Variants in TSPEAR observed in about 807,000 individuals in gnomAD.
TSPEAR encodes thrombospondin-type laminin G domain and EAR repeat-containing protein.
A neutral mutation model predicts 71.6 loss-of-function variants in TSPEAR; 69 were observed. The observed-to-expected ratio is 0.96, with a 90% confidence interval of 0.79 to 1.18. The LOEUF (loss-of-function observed/expected upper bound fraction) is 1.18, where lower values mean the gene tolerates loss of function less well. Among genes scored for constraint, TSPEAR ranks in the 50% most tolerant of loss-of-function variants. The pLI is 0.00. For missense variants in TSPEAR, 971 were observed against 894.9 expected (o/e 1.09, Z -1.09); for synonymous variants, 402 against 387.2 (o/e 1.04, Z -0.45).
At chr21:44,697,562 A>G (rs371734706) in intron 1 of TSPEAR, 43 of 1,610,108 alleles carry the variant, frequency 2.7e-5, no homozygotes, top group African/African-American at 2.1e-4. Flanking sequence ...TGTGTGCTGT[A>G]TGCCCGTCTG....
At position 44,685,557 on chromosome 21, in the gene TSPEAR, G is replaced by A. The variant is rs544420920; in HGVS notation, c.82+25876C>T. Among the ~76,000 whole-genome samples the A allele has an allele frequency of 3.3e-5, 5 of 152,228 alleles. No homozygotes were observed. The East Asian group carries it at 9.8e-4, about 30-fold the overall frequency. Reference sequence around the variant, plus strand: ...CCGTCTGCAGAGGAGGTGTCCTGTGGCCATTAGTGCTACTCGTGGGAAGTG... The same window carrying A: ...CCGTCTGCAGAGGAGGTGTCCTGTGACCATTAGTGCTACTCGTGGGAAGTG... On this transcript the variant is annotated intron_variant, in intron 1 of 11. Coordinates refer to ENST00000323084, the MANE Select transcript of TSPEAR (RefSeq NM_144991.3).
At chr21:44,674,002 CA>C (rs1986181250) in intron 1 of TSPEAR, among the ~76,000 whole-genome samples, 1 of 151,360 alleles carries the variant, frequency 6.6e-6, no homozygotes, top group Non-Finnish European at 1.5e-5. Context: ...ATGCCTACAT[CA>C]AAAAGGTAGA....
chr21:44,627,051 AGG>A, intron 1 of TSPEAR: 2 of 1,450,756 alleles, frequency 1.4e-6, no homozygotes, highest in South Asian at 2.7e-5. Flanking sequence ...TGGAACAACA[AGG>A]CCAGGAGGGG....
intron 1 of TSPEAR, chr21:44,591,589 CTGCAGCAGGAGGCGG>C: frequency 6.2e-7 from 1 of 1,613,344 alleles, no homozygotes; most frequent in South Asian, 1.1e-5. Flanking sequence ...GGAGGAGGAT[CTGCAGCAGGAGGCGG>C]TGCAGCAAGC....
chr21:44,670,438 A>G (rs1555945689), intron 1 of TSPEAR, among the ~76,000 whole-genome samples: 1 of 152,210 alleles, frequency 6.6e-6, no homozygotes, highest in Non-Finnish European at 1.5e-5. Context: ...AAGCAACTGG[A>G]ATTCAGCAAA....
intron 8 of TSPEAR, among the ~76,000 whole-genome samples, chr21:44,522,522 T>C (rs2052756094): frequency 6.6e-6 from 1 of 152,008 alleles, no homozygotes; most frequent in Non-Finnish European, 1.5e-5. Flanking sequence ...AGCTCCCCCA[T>C]TGGGTGGGTC....
intron 1 of TSPEAR, chr21:44,580,097 G>A (rs782225931): frequency 1.9e-6 from 3 of 1,613,710 alleles, no homozygotes; most frequent in African/African-American, 1.3e-5. Context: ...GGTGCAGCAA[G>A]TCGGCTGGCA....
chr21:44,644,442 A>G (rs1984192054), intron 1 of TSPEAR, among the ~76,000 whole-genome samples: 1 of 152,222 alleles, frequency 6.6e-6, no homozygotes, highest in African/African-American at 2.4e-5. Flanking sequence ...TAATCACTGA[A>G]AGGATATTTA....
chr21:44,687,535 G>A lies in TSPEAR; in HGVS notation c.82+23898C>T, dbSNP rs782703370. On this transcript the variant is annotated intron_variant, in intron 1 of 11. Coordinates refer to ENST00000323084, the MANE Select transcript of TSPEAR (RefSeq NM_144991.3). This position sits in a 1 kb window ranked among gnomAD's most constrained non-coding sequence, Gnocchi z 4.4. ...GGGGTGGGAGAGGCCGGCACCAGAG[G>A]ACTTGCTGTATGACTCCATCTGAAT... Among the ~76,000 whole-genome samples the A allele has an allele frequency of 2.6e-5, 4 of 152,178 alleles. No individual in the cohort carries two copies. Among genetic ancestry groups the A allele is most frequent in the Non-Finnish European group, 4.4e-5 (3 of 68,018 alleles).
At chr21:44,515,059 C>T (rs1040231815) in intron 9 of TSPEAR, among the ~76,000 whole-genome samples, 2 of 152,172 alleles carry the variant, frequency 1.3e-5, no homozygotes, top group African/African-American at 2.4e-5. Context: ...CCAGAAAGGG[C>T]GCCTCTCTAT....
intron 1 of TSPEAR, among the ~76,000 whole-genome samples, chr21:44,630,064 A>G (rs587672039): frequency 6.6e-6 from 1 of 152,312 alleles, no homozygotes; most frequent in South Asian, 2.1e-4. Flanking sequence ...ACACACTCAC[A>G]GTGATAGAAA....
intron 1 of TSPEAR, among the ~76,000 whole-genome samples, chr21:44,649,472 C>T (rs587710449): frequency 4.6e-5 from 7 of 152,326 alleles, no homozygotes; most frequent in Admixed American, 2.6e-4. Context: ...CCGCTACCCA[C>T]GTGTGCCAAC....
chr21:44,585,251 A>T (rs1041674080), intron 1 of TSPEAR, among the ~76,000 whole-genome samples: 4 of 152,156 alleles, frequency 2.6e-5, no homozygotes, highest in Admixed American at 2.6e-4. Context: ...CCTCCACCTT[A>T]GTAGAGGTTG....
intron 2 of TSPEAR, among the ~76,000 whole-genome samples, chr21:44,537,991 G>T (rs2053118920): frequency 6.6e-6 from 1 of 152,320 alleles, no homozygotes; most frequent in East Asian, 1.9e-4. Flanking sequence ...AGGGCCCTGG[G>T]CAGCAACCAC....
At chr21:44,644,886 G>A (rs190470275) in intron 1 of TSPEAR, among the ~76,000 whole-genome samples, 39 of 152,202 alleles carry the variant, frequency 2.6e-4, no homozygotes, top group Admixed American at 4.6e-4. Flanking sequence ...AAACAAAAGC[G>A]TGACACTTTA....
rs782057004 is a variant in TSPEAR, at chr21:44,506,635, G to C, written c.1755-1754C>G. Among the ~76,000 whole-genome samples the C allele has an allele frequency of 6.6e-6, 1 of 152,228 alleles. No homozygotes were observed. The highest frequency in any genetic ancestry group is 1.5e-5 in the Non-Finnish European group (1 of 68,040). ...TCCATTAATGGTGGGTTATGATTTG[G>C]TTCCCATGCAGCCCGTGCCAGCTCG... On this transcript the variant is annotated intron_variant, in intron 10 of 11. Transcript: ENST00000323084. The surrounding 1 kb of genome is among the most constrained non-coding windows in gnomAD (Gnocchi z 4.2).
In TSPEAR at chr21:44,599,172, C is replaced by A. The variant is rs781823076; in HGVS notation, c.83-31167G>T. On this transcript the variant is annotated intron_variant, in intron 1 of 11. Transcript: ENST00000323084. The stretch of plus-strand genomic sequence containing the variant: ...TCTCTCTCTCTCTCTCTCTCTCTCT[C>A]CTTCCATCCCATAGGACCAGATCCT... Among the ~76,000 whole-genome samples, 876 of 146,054 alleles carry A rather than the reference C, an allele frequency of 6.0e-3. 12 individuals are homozygous for A. Among genetic ancestry groups the A allele is most frequent in the East Asian group, 0.024 (120 of 5,014 alleles).
At chr21:44,611,945 G>T in intron 1 of TSPEAR, 1 of 752,410 alleles carries the variant, frequency 1.3e-6, no homozygotes, top group East Asian at 2.5e-5. Flanking sequence ...AATTAGGGTT[G>T]CCTGGAGGCA....
intron 9 of TSPEAR, among the ~76,000 whole-genome samples, chr21:44,521,349 C>T (rs587607141): frequency 8.0e-4 from 122 of 152,320 alleles, no homozygotes; most frequent in Non-Finnish European, 1.4e-3. Context: ...GCCTAATAAG[C>T]ACCTGTTGCT....
Sources: allele counts gnomAD v4.1 joint callset (sites outside exome capture counted in the v4.1 genomes callset), GRCh38; gene constraint gnomAD v4.1.1; non-coding constraint Gnocchi (gnomAD v3.1); transcripts MANE v1.5; gene names NCBI Gene and HGNC (gene_info 2026-07-23, HGNC 2026-07-21).